Variants in MAGI1 observed in about 807,000 individuals in gnomAD.
MAGI1 encodes membrane associated guanylate kinase, WW and PDZ domain containing 1, also known as membrane-associated guanylate kinase, WW and PDZ domain-containing protein 1.
Under a neutral mutation model 139.9 loss-of-function variants are expected in MAGI1, and 58 were observed. The observed-to-expected ratio is 0.41, with a 90% CI of 0.34 to 0.52. The LOEUF (loss-of-function observed/expected upper bound fraction) is 0.52, where lower values mean the gene tolerates loss of function less well. Among genes scored for constraint, MAGI1 ranks in the 20% least tolerant of loss-of-function variants. The pLI is 0.12. For missense variants in MAGI1, 1,874 were observed against 1,901.6 expected (o/e 0.99, Z 0.27); for synonymous variants, 812 against 737.9 (o/e 1.10, Z -1.63).
chr3:65,831,236 TC>T (rs1186771002), intron 1 of MAGI1, among the ~76,000 whole-genome samples: 2 of 152,178 alleles, frequency 1.3e-5, no homozygotes, highest in African/African-American at 4.8e-5. Flanking sequence ...AAGTGTCACT[TC>T]CCCAACAAGC....
At chr3:65,865,660 G>A (rs763262407) in intron 1 of MAGI1, among the ~76,000 whole-genome samples, 7 of 150,726 alleles carry the variant, frequency 4.6e-5, no homozygotes, top group Non-Finnish European at 7.4e-5. Context: ...TTTTGTTTGC[G>A]ATGGAGTTTC....
chr3:65,672,175 T>C (rs1364868061), intron 1 of MAGI1, among the ~76,000 whole-genome samples: 4 of 152,186 alleles, frequency 2.6e-5, no homozygotes, highest in Non-Finnish European at 4.4e-5. Context: ...TGCTCCTCTT[T>C]TCAGATTCAT....
intron 1 of MAGI1, among the ~76,000 whole-genome samples, chr3:65,776,870 T>C (rs2038484323): frequency 6.6e-6 from 1 of 152,230 alleles, no homozygotes; most frequent in African/African-American, 2.4e-5. Flanking sequence ...TTTCTATCCA[T>C]CGCTGGCTGC....
intron 1 of MAGI1, among the ~76,000 whole-genome samples, chr3:65,751,745 C>T (rs138345425): frequency 4.6e-5 from 7 of 152,272 alleles, no homozygotes; most frequent in African/African-American, 1.7e-4. Flanking sequence ...TATATATGTG[C>T]TCTCTCTGAA....
intron 1 of MAGI1, among the ~76,000 whole-genome samples, chr3:65,624,605 G>T (rs1203514704): frequency 6.6e-6 from 1 of 152,176 alleles, no homozygotes; most frequent in East Asian, 1.9e-4. Flanking sequence ...TATAGTGAGA[G>T]AAAACAGTTC....
intron 1 of MAGI1, among the ~76,000 whole-genome samples, chr3:65,735,356 C>CATGTGTGTGTGTGTGT (rs1553699336): frequency 4.9e-4 from 73 of 148,182 alleles, no homozygotes; most frequent in African/African-American, 1.8e-3. Flanking sequence ...TGTGTCTGCA[C>CATGTGTGTGTGTGTGT]GTGTGTGTGT....
chr3:65,729,084 T>A (rs1486491122), intron 1 of MAGI1, among the ~76,000 whole-genome samples: 1 of 119,510 alleles, frequency 8.4e-6, no homozygotes, highest in Non-Finnish European at 1.6e-5. Flanking sequence ...TAAAAACAAA[T>A]CTGTCCTACA....
chr3:65,726,956 C>CAAAAAAAAAAAAAAAAAAAACA (rs539578446), intron 1 of MAGI1, among the ~76,000 whole-genome samples: 1 of 102,194 alleles, frequency 9.8e-6, no homozygotes. Flanking sequence ...CTCCAAAATC[C>CAAAAAAAAAAAAAAAAAAAACA]AAAAAAAAAA....
intron 16 of MAGI1, among the ~76,000 whole-genome samples, chr3:65,379,952 A>C (rs1942905474): frequency 6.6e-6 from 1 of 152,212 alleles, no homozygotes; most frequent in African/African-American, 2.4e-5. Flanking sequence ...GGCTTCATAG[A>C]TACAACCTTG....
At chr3:65,636,958 A>G (rs142691556) in intron 1 of MAGI1, among the ~76,000 whole-genome samples, 2,147 of 152,372 alleles carry the variant, frequency 0.014, 24 homozygotes, top group Non-Finnish European at 0.024. Context: ...GGTTAAGCCC[A>G]TTGCAGGCTT....
At chr3:65,552,115 CCTG>C (rs2079863482) in intron 2 of MAGI1, among the ~76,000 whole-genome samples, 1 of 152,128 alleles carries the variant, frequency 6.6e-6, no homozygotes, top group African/African-American at 2.4e-5. Flanking sequence ...ACACGGCATT[CCTG>C]CTGAGAGGGT....
At chr3:65,948,230 C>T (rs985993249) in intron 1 of MAGI1, among the ~76,000 whole-genome samples, 1 of 152,160 alleles carries the variant, frequency 6.6e-6, no homozygotes, top group Admixed American at 6.5e-5. Flanking sequence ...AGGCATGAGC[C>T]ACTGCACCCA....
chr3:65,392,538 A>C (rs1433140831), intron 13 of MAGI1, among the ~76,000 whole-genome samples: 1 of 152,124 alleles, frequency 6.6e-6, no homozygotes, highest in Non-Finnish European at 1.5e-5. Flanking sequence ...TGATCATTCT[A>C]GATCCCTGAA....
chr3:65,402,012 C>T (rs1409853211), intron 12 of MAGI1: 1 of 491,358 alleles, frequency 2.0e-6, no homozygotes, highest in Non-Finnish European at 2.6e-6. Flanking sequence ...GAGCTCAATA[C>T]CAAAACAAAG....
chr3:65,686,744 C>A (rs1249622619), intron 1 of MAGI1, among the ~76,000 whole-genome samples: 1 of 152,212 alleles, frequency 6.6e-6, no homozygotes, highest in African/African-American at 2.4e-5. Context: ...AAACGCCAAG[C>A]ATCTGAACCA....
intron 18 of MAGI1, among the ~76,000 whole-genome samples, chr3:65,369,694 A>T (rs1941795036): frequency 6.6e-6 from 1 of 152,032 alleles, no homozygotes; most frequent in Non-Finnish European, 1.5e-5. Context: ...ATTTTAGTAG[A>T]GACAGCGTTT....
chr3:65,855,368 C>G (rs2059340496), intron 1 of MAGI1, among the ~76,000 whole-genome samples: 1 of 151,472 alleles, frequency 6.6e-6, no homozygotes, highest in Admixed American at 6.6e-5. Flanking sequence ...TGATTGAGGC[C>G]AGGAGTCTGA....
chr3:65,802,239 C>G (rs2040560792), intron 1 of MAGI1, among the ~76,000 whole-genome samples: 1 of 152,140 alleles, frequency 6.6e-6, no homozygotes, highest in Non-Finnish European at 1.5e-5. Flanking sequence ...CAATTCTGCC[C>G]TTAAAATTCT....
chr3:65,586,124 C>A (rs769214372), intron 2 of MAGI1, among the ~76,000 whole-genome samples: 4 of 151,670 alleles, frequency 2.6e-5, no homozygotes, highest in Non-Finnish European at 5.9e-5. Context: ...GTGAGGGTAT[C>A]GCTTGAGCCC....
Sources: gnomAD v4.1 joint callset for allele counts (sites outside exome capture counted in the v4.1 genomes callset) on GRCh38, gnomAD v4.1.1 for gene constraint, MANE v1.5 for transcripts, NCBI Gene and HGNC (gene_info 2026-07-23, HGNC 2026-07-21) for gene names.